Variants in RHEX observed in about 807,000 individuals in gnomAD.
The protein encoded by RHEX is regulator of hemoglobinization and erythroid cell expansion.
A neutral mutation model predicts 20.1 loss-of-function variants in RHEX; 18 were observed. The observed-to-expected ratio is 0.90, with a 90% confidence interval of 0.62 to 1.33. The LOEUF (loss-of-function observed/expected upper bound fraction) is 1.33, where lower values mean the gene tolerates loss of function less well. Among genes scored for constraint, RHEX ranks in the 40% most tolerant of loss-of-function variants. The pLI is 0.00. For synonymous variants in RHEX, 87 were observed against 77.1 expected (o/e 1.13, Z -0.67); for missense variants, 192 against 214.3 (o/e 0.90, Z 0.65).
At chr1:206,072,409 A>G (rs1662553202) in intron 1 of RHEX, among the ~76,000 whole-genome samples, 1 of 152,120 alleles carries the variant, frequency 6.6e-6, no homozygotes, top group African/African-American at 2.4e-5. Context: ...CCCTGTCTCT[A>G]CTAAAAATAC....
At chr1:206,078,026 G>A (rs542327804) in intron 1 of RHEX, among the ~76,000 whole-genome samples, 1 of 152,250 alleles carries the variant, frequency 6.6e-6, no homozygotes, top group Non-Finnish European at 1.5e-5. Context: ...TTTGTTTCAT[G>A]CACAAAATTA....
At position 206,060,138 on chromosome 1, in the gene RHEX, A is replaced by G. The variant is rs913835205; in HGVS notation, c.-97+6873A>G. Among the ~76,000 whole-genome samples the G allele has an allele frequency of 2.6e-5, 4 of 152,166 alleles. No individual in the cohort carries two copies. The South Asian group carries it at 6.2e-4, about 24-fold the overall frequency. ...TGGAGGTTTATGTCCAAACTCTGCC[A>G]CTTACCAGCCCTATGACCCTGAGCA... On this transcript the variant is annotated intron_variant, in intron 1 of 5. Transcript: ENST00000331555.
chr1:206,064,314 A>G (rs548766697), intron 1 of RHEX, among the ~76,000 whole-genome samples: 4,622 of 65,806 alleles, frequency 0.07, 372 homozygotes, highest in African/African-American at 0.2. Context: ...GGTGAGGGGA[A>G]CCTCTGCCCG....
At chr1:206,093,257 C>T (rs1662994776) in intron 1 of RHEX, among the ~76,000 whole-genome samples, 1 of 151,972 alleles carries the variant, frequency 6.6e-6, no homozygotes, top group African/African-American at 2.4e-5. Context: ...TTACTTTGAT[C>T]CATATGATTT....
At chr1:206,063,248 A>G (rs1662341482) in intron 1 of RHEX, among the ~76,000 whole-genome samples, 2 of 152,184 alleles carry the variant, frequency 1.3e-5, no homozygotes, top group Non-Finnish European at 2.9e-5. Flanking sequence ...CTGGAATGGA[A>G]CTGGGGGGTT....
chr1:206,063,503 T>C (rs28546121), intron 1 of RHEX, among the ~76,000 whole-genome samples: 38,460 of 152,224 alleles, frequency 0.25, 7,770 homozygotes, highest in African/African-American at 0.56. Context: ...CTGATTCTCC[T>C]GCCTCAGCCT....
chr1:206,082,400 G>A (rs1553286025), intron 1 of RHEX, among the ~76,000 whole-genome samples: 1 of 151,604 alleles, frequency 6.6e-6, no homozygotes, highest in Non-Finnish European at 1.5e-5. Flanking sequence ...CACCTGTAAT[G>A]TCAGCTACTC....
intron 1 of RHEX, among the ~76,000 whole-genome samples, chr1:206,064,257 A>G (rs1571854446): frequency 1.6e-5 from 2 of 127,824 alleles, no homozygotes; most frequent in African/African-American, 3.1e-5. Flanking sequence ...TCCGGGAGGG[A>G]GGTGGGGGGG....
chr1:206,074,969 A>G (rs1553285057), intron 1 of RHEX, among the ~76,000 whole-genome samples: 2 of 152,248 alleles, frequency 1.3e-5, no homozygotes, highest in African/African-American at 4.8e-5. Context: ...GCCCATTCCC[A>G]CAATGCCCCA....
intron 1 of RHEX, among the ~76,000 whole-genome samples, chr1:206,077,788 A>G (rs1388033389): frequency 6.6e-6 from 1 of 152,188 alleles, no homozygotes; most frequent in Non-Finnish European, 1.5e-5. Flanking sequence ...TAGAGATGCT[A>G]CGTAGTTGCT....
At chr1:206,063,514 G>C (rs1161670725) in intron 1 of RHEX, among the ~76,000 whole-genome samples, 3 of 152,206 alleles carry the variant, frequency 2.0e-5, no homozygotes, top group Non-Finnish European at 4.4e-5. Flanking sequence ...GCCTCAGCCT[G>C]CGGAGTGCCT....
intron 1 of RHEX, among the ~76,000 whole-genome samples, chr1:206,096,755 C>T (rs1278451209): frequency 6.7e-6 from 1 of 148,604 alleles, no homozygotes; most frequent in Non-Finnish European, 1.5e-5. Context: ...ATTTTGTGCA[C>T]AAGTCCCCTG....
At chr1:206,093,283 T>C (rs74442400) in intron 1 of RHEX, among the ~76,000 whole-genome samples, 30 of 151,940 alleles carry the variant, frequency 2.0e-4, no homozygotes, top group Non-Finnish European at 1.6e-4. Context: ...TTTTTTTTTT[T>C]CCTTTTCAGA....
rs575015940 is a variant in RHEX, at chr1:206,087,799, G to A, written c.-96-9934G>A. 7.2e-5 allele frequency among the ~76,000 whole-genome samples: 11 copies of A among 151,974 alleles called. No individual in the cohort carries two copies. In the South Asian group the frequency reaches 8.3e-4, roughly 11 times the overall value. On this transcript the variant is annotated intron_variant, in intron 1 of 5. Transcript: ENST00000331555. ...TTTTTTGGCTATAGTTAATAACAAC[G>A]TATTGTATTCTTGAAAACTGCTGAG...
chr1:206,055,683 C>T (rs1132558), intron 1 of RHEX, among the ~76,000 whole-genome samples: 1 of 152,260 alleles, frequency 6.6e-6, no homozygotes, highest in East Asian at 1.9e-4. Context: ...ATCTATTACA[C>T]CCAACAGCAA....
intron 1 of RHEX, among the ~76,000 whole-genome samples, chr1:206,083,129 G>C (rs964016077): frequency 7.2e-5 from 11 of 152,202 alleles, no homozygotes; most frequent in African/African-American, 2.7e-4. Context: ...AGATGAGCTA[G>C]GTTGGAAAGT....
chr1:206,083,343 C>T (rs1256583467), intron 1 of RHEX, among the ~76,000 whole-genome samples: 2 of 152,138 alleles, frequency 1.3e-5, no homozygotes, highest in African/African-American at 4.8e-5. Context: ...ATGTGTGCCA[C>T]AGGGAGAGAA....
chr1:206,071,218 T>C (rs1389233616), intron 1 of RHEX, among the ~76,000 whole-genome samples: 1 of 152,130 alleles, frequency 6.6e-6, no homozygotes, highest in Non-Finnish European at 1.5e-5. Context: ...ACTTGGAGTC[T>C]AATGTTCAAG....
At chr1:206,095,503 G>T (rs1450882296) in intron 1 of RHEX, among the ~76,000 whole-genome samples, 4 of 152,128 alleles carry the variant, frequency 2.6e-5, no homozygotes, top group Non-Finnish European at 4.4e-5. Flanking sequence ...AAATTTTCTG[G>T]AAGGATATGG....
Sources: gnomAD v4.1 joint callset for allele counts (sites outside exome capture counted in the v4.1 genomes callset) on GRCh38, gnomAD v4.1.1 for gene constraint, MANE v1.5 for transcripts, NCBI Gene and HGNC (gene_info 2026-07-23, HGNC 2026-07-21) for gene names.